Variants in SPON1 observed in about 807,000 individuals in gnomAD.
SPON1 encodes the protein spondin-1.
Under a neutral mutation model 111.7 loss-of-function variants are expected in SPON1, and 52 were observed. The observed-to-expected ratio is 0.47, with a 90% confidence interval of 0.37 to 0.59. The LOEUF is 0.59. Among genes scored for constraint, SPON1 ranks in the 20% least tolerant of loss-of-function variants. SPON1 has a pLI of 0.00. For missense variants in SPON1, 957 were observed against 1,068.5 expected, an observed-to-expected ratio of 0.90 and a Z score of 1.46; for synonymous variants, 410 against 395.8, an observed-to-expected ratio of 1.04 and a Z score of -0.43.
intron 6 of SPON1, among the ~76,000 whole-genome samples, chr11:14,180,813 G>A (rs1466000967): frequency 1.3e-5 from 2 of 152,150 alleles, no homozygotes; most frequent in African/African-American, 2.4e-5. Flanking sequence ...AAGGCAGAAA[G>A]GACACATCTT....
Position 14,079,904 on chromosome 11 carries a change from A to G in SPON1, c.559A>G (p.Thr187Ala), listed in dbSNP as rs377181559. Residue 187 changes from threonine to alanine, a missense_variant, in exon 5 of 16, where the codon ACA becomes GCA. Around this residue, in one of 5 missense-constraint regions of SPON1, gnomAD observed 262 missense variants for 253.9 expected, o/e 1.03. Transcript: ENST00000576479. ...GACTTTTCTGACTGTTTCAGATTCCACATTTGATGGGGTGACTGACAAACC... is the reference window on the plus strand; with the variant it reads ...GACTTTTCTGACTGTTTCAGATTCCGCATTTGATGGGGTGACTGACAAACC... ...LTKKLCEQDS[T>A]FDGVTDKPIL... 1.9e-6 allele frequency: 3 copies of G among 1,613,934 alleles called. No individual in the cohort carries two copies. The highest frequency in any genetic ancestry group is 2.2e-5 in the East Asian group (1 of 44,868).
At chr11:14,157,628 C>G (rs527976812) in intron 6 of SPON1, among the ~76,000 whole-genome samples, 1 of 152,034 alleles carries the variant, frequency 6.6e-6, no homozygotes, top group African/African-American at 2.4e-5. Flanking sequence ...GGTTCTATCC[C>G]AATATTCTTT....
intron 1 of SPON1, among the ~76,000 whole-genome samples, chr11:13,980,917 G>C (rs561702871): frequency 9.9e-5 from 15 of 152,204 alleles, no homozygotes; most frequent in African/African-American, 3.1e-4. Context: ...ACCTTTCTAT[G>C]TTTTACTTTC....
At chr11:14,214,225 GCCCC>G (rs1221310301) in intron 6 of SPON1, among the ~76,000 whole-genome samples, 1 of 152,112 alleles carries the variant, frequency 6.6e-6, no homozygotes, top group Non-Finnish European at 1.5e-5. Flanking sequence ...TGCGCGTAGG[GCCCC>G]CATCCCTAGC....
chr11:14,014,816 A>G (rs1259880291), intron 2 of SPON1, among the ~76,000 whole-genome samples: 1 of 152,220 alleles, frequency 6.6e-6, no homozygotes, highest in East Asian at 1.9e-4. Flanking sequence ...ACTTTTTTAA[A>G]GTATTAATTT....
rs946781123 is a variant in SPON1, at chr11:14,228,887, A to G, written c.826-14445A>G. 9.9e-5 allele frequency among the ~76,000 whole-genome samples: 15 copies of G among 152,212 alleles called. No individual in the cohort carries two copies. Among genetic ancestry groups the G allele is most frequent in the Admixed American group, 9.8e-4 (15 of 15,278 alleles). On this transcript the variant is annotated intron_variant, in intron 6 of 15. Transcript: ENST00000576479. The surrounding 1 kb of genome is among the most constrained non-coding windows in gnomAD (Gnocchi z 4.2). ...ATGATCCTTAATATGTACACAATCT[A>G]TTATTTTATTCTCACAAAAATATAA... is the stretch of plus-strand genomic sequence containing the variant.
chr11:14,109,380 A>T (rs1227268574), intron 5 of SPON1, among the ~76,000 whole-genome samples: 1 of 152,186 alleles, frequency 6.6e-6, no homozygotes, highest in African/African-American at 2.4e-5. Flanking sequence ...TAAGATTAAT[A>T]CTGAAAAAGG....
intron 6 of SPON1, among the ~76,000 whole-genome samples, chr11:14,209,670 A>T (rs1156601737): frequency 6.6e-6 from 1 of 152,170 alleles, no homozygotes; most frequent in Non-Finnish European, 1.5e-5. Context: ...ATTGATGGGC[A>T]TTTGGGTTGG....
intron 6 of SPON1, among the ~76,000 whole-genome samples, chr11:14,190,284 A>G (rs1343121169): frequency 6.6e-6 from 1 of 152,214 alleles, no homozygotes; most frequent in Non-Finnish European, 1.5e-5. Context: ...GGTTATGGCC[A>G]TTTTTTAAAA....
intron 5 of SPON1, among the ~76,000 whole-genome samples, chr11:14,092,751 T>G (rs1849069455): frequency 6.6e-6 from 1 of 152,178 alleles, no homozygotes; most frequent in East Asian, 1.9e-4. Flanking sequence ...AAAACACTTC[T>G]AATCTAGTAG....
chr11:14,131,194 A>G (rs1847524692), intron 5 of SPON1, among the ~76,000 whole-genome samples: 2 of 152,136 alleles, frequency 1.3e-5, no homozygotes, highest in Admixed American at 1.3e-4. Flanking sequence ...TCATGACCTC[A>G]CAGTGGGATG....
chr11:14,091,277 C>T (rs955956857), intron 5 of SPON1, among the ~76,000 whole-genome samples: 3 of 152,202 alleles, frequency 2.0e-5, no homozygotes, highest in Non-Finnish European at 2.9e-5. Flanking sequence ...TAGTGGATCC[C>T]GCACCGGGGC....
chr11:14,265,505 G>A lies in SPON1; in HGVS notation c.2261-19G>A, dbSNP rs781838950. On this transcript the variant is annotated intron_variant, in intron 15 of 15. Coordinates refer to ENST00000576479, the MANE Select transcript of SPON1 (RefSeq NM_006108.4). ...CGTCCCGTTTCTGCGGGCCTAACAA[G>A]GCATTCTCATGCTTTCAGGTTGTAG... The A allele has an allele frequency of 3.7e-6, 6 of 1,609,024 alleles. No individual in the cohort carries two copies. The highest frequency in any genetic ancestry group is 3.3e-5 in the South Asian group (3 of 89,850).
intron 6 of SPON1, among the ~76,000 whole-genome samples, chr11:14,211,981 T>C (rs1848581656): frequency 6.6e-6 from 1 of 152,198 alleles, no homozygotes; most frequent in South Asian, 2.1e-4. Context: ...TATTGATTCA[T>C]TATTTAAAAT....
intron 6 of SPON1, among the ~76,000 whole-genome samples, chr11:14,153,053 G>T (rs782799444): frequency 6.6e-6 from 1 of 152,140 alleles, no homozygotes; most frequent in Non-Finnish European, 1.5e-5. Flanking sequence ...ATTTGTTGCA[G>T]GGCAGATGTA....
chr11:14,242,280 G>A (rs1441730127), intron 6 of SPON1, among the ~76,000 whole-genome samples: 1 of 152,236 alleles, frequency 6.6e-6, no homozygotes, highest in African/African-American at 2.4e-5. Context: ...CCTGCTGCCA[G>A]GCACGACTCT....
chr11:14,123,874 T>TGTCA (rs1353349121), intron 5 of SPON1, among the ~76,000 whole-genome samples: 1 of 152,254 alleles, frequency 6.6e-6, no homozygotes, highest in African/African-American at 2.4e-5. Context: ...GTTTCCCTTC[T>TGTCA]GTCAGTGATC....
Position 14,228,751 on chromosome 11 carries a change from A to G in SPON1, c.826-14581A>G, listed in dbSNP as rs1378216455. On this transcript the variant is annotated intron_variant, in intron 6 of 15. Transcript: ENST00000576479. This position sits in a 1 kb window ranked among gnomAD's most constrained non-coding sequence, Gnocchi z 4.2. ...AAGAGAGATCTGGACAGAGCGTCAC[A>G]TTGTCTTCCACACTAACGCACAATA... Among the ~76,000 whole-genome samples the G allele has an allele frequency of 1.3e-5, 2 of 152,190 alleles. No homozygotes were observed. The highest frequency in any genetic ancestry group is 2.9e-5 in the Non-Finnish European group (2 of 68,034).
At chr11:14,046,856 G>A (rs1225414392) in intron 3 of SPON1, among the ~76,000 whole-genome samples, 1 of 152,068 alleles carries the variant, frequency 6.6e-6, no homozygotes, top group Non-Finnish European at 1.5e-5. Flanking sequence ...TATTTATTTT[G>A]GTCTTTCGTA....
Sources: allele counts gnomAD v4.1 joint callset (sites outside exome capture counted in the v4.1 genomes callset), GRCh38; gene constraint gnomAD v4.1.1; regional missense constraint gnomAD v4.1.1; non-coding constraint Gnocchi (gnomAD v3.1); transcripts MANE v1.5; gene names NCBI Gene and HGNC (gene_info 2026-07-23, HGNC 2026-07-21).